Variants in SPRED2 observed in about 807,000 individuals in gnomAD.
SPRED2 encodes the protein sprouty-related, EVH1 domain-containing protein 2.
In SPRED2, 47 loss-of-function variants were observed where a neutral mutation model predicts 43.0. The observed-to-expected ratio is 1.09, with a 90% CI of 0.87 to 1.40. The LOEUF is 1.40. SPRED2 is among the 40% of genes most tolerant of loss of function. SPRED2 has a pLI of 0.00. For missense variants in SPRED2, 561 were observed against 586.4 expected (o/e 0.96, Z 0.45); for synonymous variants, 225 against 225.7 (o/e 1.00, Z 0.03).
chr2:65,403,824 C>T (rs1675960489), intron 1 of SPRED2, among the ~76,000 whole-genome samples: 1 of 152,150 alleles, frequency 6.6e-6, no homozygotes, highest in Non-Finnish European at 1.5e-5. Context: ...ACTGCCTGTT[C>T]TGAGCCATAA....
chr2:65,365,775 T>C (rs1301089622), intron 1 of SPRED2, among the ~76,000 whole-genome samples: 1 of 152,142 alleles, frequency 6.6e-6, no homozygotes, highest in Non-Finnish European at 1.5e-5. Flanking sequence ...GAATAGACTG[T>C]CAACACACAT....
intron 1 of SPRED2, among the ~76,000 whole-genome samples, chr2:65,365,923 T>A (rs1262262655): frequency 1.3e-5 from 2 of 151,758 alleles, no homozygotes; most frequent in African/African-American, 4.8e-5. Flanking sequence ...ATCCTTCAGA[T>A]CATGTGAACG....
intron 2 of SPRED2, among the ~76,000 whole-genome samples, chr2:65,336,422 A>T (rs920737156): frequency 2.2e-5 from 3 of 137,964 alleles, no homozygotes; most frequent in Non-Finnish European, 4.9e-5. Flanking sequence ...CTAACTTAAT[A>T]AAAAAATGAG....
chr2:65,347,094 C>A (rs1394132047), intron 1 of SPRED2, among the ~76,000 whole-genome samples: 1 of 152,160 alleles, frequency 6.6e-6, no homozygotes, highest in Non-Finnish European at 1.5e-5. Context: ...TGCTCTCCGA[C>A]CACCTCGTAA....
chr2:65,343,298 C>T (rs1674245234), intron 2 of SPRED2, among the ~76,000 whole-genome samples: 1 of 152,114 alleles, frequency 6.6e-6, no homozygotes, highest in Admixed American at 6.6e-5. Flanking sequence ...TAGGGTATTT[C>T]CTGAACAAAT....
intron 1 of SPRED2, among the ~76,000 whole-genome samples, chr2:65,422,049 G>T (rs865792380): frequency 3.3e-4 from 50 of 151,132 alleles, no homozygotes; most frequent in Middle Eastern, 3.4e-3. Context: ...TTCCATCCAT[G>T]TGTGAATGTG....
intron 1 of SPRED2, among the ~76,000 whole-genome samples, chr2:65,422,102 ACACTCTCTCTCTCTCT>A (rs1328745784): frequency 1.9e-5 from 2 of 104,088 alleles, no homozygotes; most frequent in Non-Finnish European, 4.2e-5. Flanking sequence ...ACACACACAC[ACACTCTCTCTCTCTCT>A]CTCTCTCTCT....
intron 4 of SPRED2, among the ~76,000 whole-genome samples, chr2:65,322,015 T>C (rs1673427554): frequency 6.6e-6 from 1 of 151,390 alleles, no homozygotes; most frequent in Non-Finnish European, 1.5e-5. Context: ...GCTCAGGCAA[T>C]CTGCCCACCT....
In SPRED2 at chr2:65,394,451, T is replaced by G. The variant is rs1675707530; in HGVS notation, c.26+37511A>C. Among the ~76,000 whole-genome samples the G allele has an allele frequency of 2.0e-5, 3 of 152,280 alleles. No homozygotes were observed. In the South Asian group the frequency reaches 6.2e-4, roughly 32 times the overall value. ...ACCTTCCATTTAAAAGCAGCCTCAA[T>G]GAACACAAAAACTGAGAATGAGAAA... is the stretch of plus-strand genomic sequence containing the variant. On this transcript the variant is annotated intron_variant, in intron 1 of 5. Coordinates refer to ENST00000356388, the MANE Select transcript of SPRED2 (RefSeq NM_181784.3).
chr2:65,353,678 T>A (rs1452721445), intron 1 of SPRED2, among the ~76,000 whole-genome samples: 2 of 152,196 alleles, frequency 1.3e-5, no homozygotes, highest in Non-Finnish European at 2.9e-5. Context: ...TGATTTAGCA[T>A]TCTATGTGCC....
rs1027594671 is a variant in SPRED2 at position 65,354,657 on chromosome 2, A to T, written c.27-9761T>A. Among the ~76,000 whole-genome samples the T allele has an allele frequency of 7.3e-5, 11 of 150,602 alleles. No homozygotes were observed. The South Asian group carries it at 1.7e-3, about 23-fold the overall frequency. On this transcript the variant is annotated intron_variant, in intron 1 of 5. Coordinates refer to ENST00000356388, the MANE Select transcript of SPRED2 (RefSeq NM_181784.3). ...ACTATATTTGTTGGTTTTTTTTTTTAAATCTTTTCAGCATTTTAATTCAGT... is the reference window on the plus strand; with the variant it reads ...ACTATATTTGTTGGTTTTTTTTTTTTAATCTTTTCAGCATTTTAATTCAGT...
In SPRED2 at chr2:65,313,239, T is replaced by A. The variant is rs903680630; in HGVS notation, c.*262A>T. ...TTACAGATTGTTAATAGTACAGGAG[T>A]CTGTGGCGAAGGTTCCTTCCTCAGA... is the stretch of plus-strand genomic sequence containing the variant. On this transcript the variant is annotated 3_prime_UTR_variant, in exon 6 of 6. Transcript: ENST00000356388. The A allele has an allele frequency of 5.6e-6, 7 of 1,259,162 alleles. No individual in the cohort carries two copies. Among genetic ancestry groups the A allele is most frequent in the Non-Finnish European group, 6.0e-6 (6 of 1,001,950 alleles). The allele number at this position is 1,259,162 out of a possible 1,614,324, so 78.0% of individuals were successfully genotyped here. A position where few individuals can be genotyped will look rare whatever the true frequency, so the allele number is the denominator to read the frequency against.
chr2:65,418,056 C>G (rs994585604), intron 1 of SPRED2, among the ~76,000 whole-genome samples: 3 of 152,202 alleles, frequency 2.0e-5, no homozygotes, highest in African/African-American at 7.2e-5. Context: ...TTTCTATATC[C>G]AGGCTCACTG....
chr2:65,352,902 G>T (rs1056983257), intron 1 of SPRED2, among the ~76,000 whole-genome samples: 10 of 152,222 alleles, frequency 6.6e-5, no homozygotes, highest in Non-Finnish European at 1.3e-4. Flanking sequence ...GGGATTACAG[G>T]CGTGAGCCAC....
intron 1 of SPRED2, among the ~76,000 whole-genome samples, chr2:65,356,152 AAAGG>A (rs1400803397): frequency 2.0e-5 from 3 of 152,242 alleles, no homozygotes; most frequent in Non-Finnish European, 4.4e-5. Context: ...TGGAGAAAAC[AAAGG>A]AAGGGAGTAT....
chr2:65,386,077 G>A (rs976809351), intron 1 of SPRED2, among the ~76,000 whole-genome samples: 1 of 152,152 alleles, frequency 6.6e-6, no homozygotes, highest in African/African-American at 2.4e-5. Flanking sequence ...CTGAGGTCAG[G>A]AGTTTGAGAC....
rs14294 is a variant in SPRED2, at chr2:65,311,953, A to G, written c.*1548T>C. On this transcript the variant is annotated 3_prime_UTR_variant, in exon 6 of 6. Transcript: ENST00000356388. ...GGGGAAAGGGAGTGGGGAGCAGGCC[A>G]TGTCTTCTGCTGGCCGCTACCACAG... 0.16 allele frequency: 156,753 copies of G among 985,210 alleles called. 13,780 individuals carry two copies. Among genetic ancestry groups the G allele is most frequent in the Non-Finnish European group, 0.18 (145,906 of 829,888 alleles). The allele number at this position is 985,210 out of a possible 1,614,324, so 61.0% of individuals were successfully genotyped here.
At chr2:65,334,882 C>T in intron 2 of SPRED2, 109 bp from the exon 3 acceptor site, 1 of 1,094,164 alleles carries the variant, frequency 9.1e-7, no homozygotes, top group Non-Finnish European at 1.4e-6. Context: ...CAAAACCCCT[C>T]TAACCCCTGC....
At chr2:65,412,379 A>G (rs1213059145) in intron 1 of SPRED2, among the ~76,000 whole-genome samples, 1 of 152,132 alleles carries the variant, frequency 6.6e-6, no homozygotes, top group Non-Finnish European at 1.5e-5. Flanking sequence ...TGATTTTGAA[A>G]CCATCCCTAC....
Sources: allele counts gnomAD v4.1 joint callset (sites outside exome capture counted in the v4.1 genomes callset), GRCh38; gene constraint gnomAD v4.1.1; transcripts MANE v1.5; gene names NCBI Gene and HGNC (gene_info 2026-07-23, HGNC 2026-07-21).